RBBP5: variants seen among roughly 807,000 people sequenced by gnomAD.
RBBP5 encodes the protein RB binding protein 5, histone lysine methyltransferase complex subunit, also known as retinoblastoma-binding protein 5.
Under a neutral mutation model 72.2 loss-of-function variants are expected in RBBP5, and 5 were observed. That is an observed-to-expected ratio of 0.07 (90% confidence interval 0.04 to 0.15). The LOEUF is 0.15. RBBP5 is among the 10% of genes least tolerant of loss of function. RBBP5 has a pLI of 1.00. For missense variants in RBBP5, 322 were observed against 652.2 expected (o/e 0.49, Z 5.51); for synonymous variants, 209 against 237.2 (o/e 0.88, Z 1.09).
At chr1:205,113,117 T>C (rs1353451814) in intron 3 of RBBP5, among the ~76,000 whole-genome samples, 5 of 152,152 alleles carry the variant, frequency 3.3e-5, no homozygotes, top group Non-Finnish European at 5.9e-5. Flanking sequence ...AGCAAGACCC[T>C]GTCTCAGCAA....
intron 13 of RBBP5, among the ~76,000 whole-genome samples, chr1:205,090,552 C>T (rs1655304179): frequency 6.6e-6 from 1 of 152,198 alleles, no homozygotes; most frequent in South Asian, 2.1e-4. Flanking sequence ...ATAAGATACA[C>T]AGAACTAGCA....
intron 6 of RBBP5, among the ~76,000 whole-genome samples, 176 bp downstream of exon 6, chr1:205,101,424 A>G (rs994482906): frequency 6.6e-6 from 1 of 152,258 alleles, no homozygotes; most frequent in Non-Finnish European, 1.5e-5. Flanking sequence ...AGGAAGATGT[A>G]ACTACGGCAG....
At chr1:205,111,606 ATCTG>A (rs749676678) in intron 3 of RBBP5, among the ~76,000 whole-genome samples, 5 of 152,104 alleles carry the variant, frequency 3.3e-5, no homozygotes, top group African/African-American at 1.2e-4. Context: ...CATTTCTCAC[ATCTG>A]TCTAACTTGG....
At position 205,088,828 on chromosome 1, in the gene RBBP5, G is replaced by A. The variant is rs1429525190; in HGVS notation, c.1589-13C>T. ...ATTGCTCCTCCTGCTAAAGAGATTA[G>A]ACACAAAAAGATTTCTTTTAGCTTC... On this transcript the variant is annotated splice_polypyrimidine_tract_variant and intron_variant, in intron 13 of 13. Coordinates refer to ENST00000264515, the MANE Select transcript of RBBP5 (RefSeq NM_005057.4). 6.4e-7 allele frequency: 1 copy of A among 1,565,484 alleles called. No individual in the cohort carries two copies. The highest frequency in any genetic ancestry group is 8.6e-7 in the Non-Finnish European group (1 of 1,156,274).
At chr1:205,110,713 G>A (rs983995289) in intron 3 of RBBP5, among the ~76,000 whole-genome samples, 3 of 152,090 alleles carry the variant, frequency 2.0e-5, no homozygotes, top group African/African-American at 7.2e-5. Flanking sequence ...CTAAGAAGTA[G>A]ACAAAGGGCT....
intron 12 of RBBP5, 29 bp from the exon 13 acceptor site, chr1:205,095,093 T>C (rs1205581036): frequency 6.2e-7 from 1 of 1,607,982 alleles, no homozygotes; most frequent in Admixed American, 1.7e-5. Flanking sequence ...TGGAAAGGAA[T>C]CCACATGACA....
Position 205,094,930 on chromosome 1 carries a change from G to A in RBBP5, c.1531C>T (p.Pro511Ser). 6.2e-7 allele frequency: 1 copy of A among 1,614,162 alleles called. No homozygotes were observed. The highest frequency in any genetic ancestry group is 8.5e-7 in the Non-Finnish European group (1 of 1,180,030). Residue 511 changes from proline to serine, a missense_variant, in exon 13 of 14, where the codon CCT becomes TCT. Physicochemically the swap from Pro to Ser is moderately conservative, Grantham distance 74 (BLOSUM62 -1). This residue lies in a region of RBBP5 where 109 missense variants were observed against 146.3 expected (regional missense o/e 0.75). Transcript: ENST00000264515. ...PKLYKGDRGLPLEGSAKGKVQ... is the reference protein window; with the variant it reads ...PKLYKGDRGLSLEGSAKGKVQ... ...TTACCCTTCGCTGATCCTTCCAGAG[G>A]TAAACCTCTGTCCCCTTTGTAGAGT... is the stretch of plus-strand genomic sequence containing the variant.
chr1:205,104,946 C>A, intron 4 of RBBP5, 82 bp downstream of exon 4: 1 of 1,500,520 alleles, frequency 6.7e-7, no homozygotes, highest in Non-Finnish European at 9.1e-7. Context: ...CTTCTAAAAC[C>A]ATAAACTAAA....
At chr1:205,106,811 T>C (rs115446172) in intron 3 of RBBP5, among the ~76,000 whole-genome samples, 3,413 of 152,056 alleles carry the variant, frequency 0.022, 77 homozygotes, top group Middle Eastern at 0.034. Context: ...TCAACAATTA[T>C]GAACATGCCT....
rs190959952 is a variant in RBBP5 at position 205,094,834 on chromosome 1, C to T, written c.1588+39G>A. On this transcript the variant is annotated intron_variant, in intron 13 of 13. Coordinates refer to ENST00000264515, the MANE Select transcript of RBBP5 (RefSeq NM_005057.4). ...AGTCAAGGGCTACACAAAGCAAGGCCACGAAGCAAGCCAGACAATGCTCCC... is the reference window on the plus strand; with the variant it reads ...AGTCAAGGGCTACACAAAGCAAGGCTACGAAGCAAGCCAGACAATGCTCCC... 50 of 1,570,288 alleles carry T rather than the reference C, an allele frequency of 3.2e-5. No individual in the cohort carries two copies. The East Asian group carries it at 9.2e-4, about 29-fold the overall frequency.
chr1:205,092,896 G>C (rs1371004230), intron 13 of RBBP5, among the ~76,000 whole-genome samples: 1 of 152,302 alleles, frequency 6.6e-6, no homozygotes, highest in East Asian at 1.9e-4. Context: ...CTTTTGAAAA[G>C]CACATGATTA....
At chr1:205,118,485 C>T (rs568914014) in intron 1 of RBBP5, among the ~76,000 whole-genome samples, 8 of 152,094 alleles carry the variant, frequency 5.3e-5, no homozygotes, top group Admixed American at 6.5e-5. Flanking sequence ...TGGTGGCACA[C>T]GCCTGTAATC....
At chr1:205,116,273 G>T (rs545652061) in intron 1 of RBBP5, 31 of 371,582 alleles carry the variant, frequency 8.3e-5, no homozygotes, top group Middle Eastern at 8.5e-4. Context: ...ACATGTAATG[G>T]ATTTATTATG....
In RBBP5 at chr1:205,115,846, C is replaced by G. The variant is rs978489528; in HGVS notation, c.45+12G>C. 6.2e-7 allele frequency: 1 copy of G among 1,603,432 alleles called. No homozygotes were observed. Among genetic ancestry groups the G allele is most frequent in the African/African-American group, 1.3e-5 (1 of 74,322 alleles). On this transcript the variant is annotated intron_variant, in intron 2 of 13. Coordinates refer to ENST00000264515, the MANE Select transcript of RBBP5 (RefSeq NM_005057.4). Reference sequence around the variant, plus strand: ...CTATGTTCCTAAAATCACCACAATACTATACTCTTACCTCTGGATAGTTCT... The same window carrying G: ...CTATGTTCCTAAAATCACCACAATAGTATACTCTTACCTCTGGATAGTTCT...
intron 1 of RBBP5, 38 bp downstream of exon 1, chr1:205,121,817 C>A (rs1243242635): frequency 3.3e-5 from 53 of 1,611,992 alleles, no homozygotes; most frequent in Non-Finnish European, 4.5e-5. Context: ...TTTCCAGTAC[C>A]CAACGCTTCT....
chr1:205,097,285 G>A (rs1329236874), intron 11 of RBBP5, 41 bp downstream of exon 11: 9 of 1,536,890 alleles, frequency 5.9e-6, no homozygotes, highest in Non-Finnish European at 6.2e-6. Flanking sequence ...GAGGCCAGGA[G>A]CAGCAGTAGC....
At position 205,086,652 on chromosome 1, in the gene RBBP5, G is replaced by A. The variant is rs1655152414; in HGVS notation, c.*2135C>T. The A allele has an allele frequency of 6.6e-6, 1 of 151,958 alleles. No individual in the cohort carries two copies. Among genetic ancestry groups the A allele is most frequent in the Non-Finnish European group, 1.5e-5 (1 of 67,988 alleles). The allele number at this position is 151,958 out of a possible 1,614,324, so 9.4% of individuals were successfully genotyped here. A position where few individuals can be genotyped will look rare whatever the true frequency, so the allele number is the denominator to read the frequency against. On this transcript the variant is annotated 3_prime_UTR_variant, in exon 14 of 14. Coordinates refer to ENST00000264515, the MANE Select transcript of RBBP5 (RefSeq NM_005057.4). ...TAATTCAAATTGAAATGGATAGAAG[G>A]TTTTTTAAAAGTTGAAAAAAAAATT...
chr1:205,111,180 A>T (rs1280904496), intron 3 of RBBP5, among the ~76,000 whole-genome samples: 3 of 152,226 alleles, frequency 2.0e-5, no homozygotes, highest in Non-Finnish European at 4.4e-5. Context: ...ATATCCTTTG[A>T]CTGACTAATA....
chr1:205,088,858 T>C lies in RBBP5; in HGVS notation c.1589-43A>G, dbSNP rs1456753813. On this transcript the variant is annotated intron_variant, in intron 13 of 13. Coordinates refer to ENST00000264515, the MANE Select transcript of RBBP5 (RefSeq NM_005057.4). The stretch of plus-strand genomic sequence containing the variant: ...AAAAAGATTTCTTTTAGCTTCAATT[T>C]AGACCAGTTACTTGTAAGAACAGAA... 2.6e-6 allele frequency: 4 copies of C among 1,511,744 alleles called. No homozygotes were observed. In the African/African-American group the frequency reaches 5.7e-5, roughly 21 times the overall value. 93.6% of individuals were successfully genotyped at this position (1,511,744 alleles called of 1,614,324 possible).
Sources: gnomAD v4.1 joint callset for allele counts (sites outside exome capture counted in the v4.1 genomes callset) on GRCh38, gnomAD v4.1.1 for gene constraint, gnomAD v4.1.1 regional missense constraint, MANE v1.5 for transcripts, NCBI Gene and HGNC (gene_info 2026-07-23, HGNC 2026-07-21) for gene names.